ATAD2B: variants seen among roughly 807,000 people sequenced by gnomAD.
ATAD2B encodes the protein ATPase family AAA domain containing 2B.
In ATAD2B, 40 loss-of-function variants were observed where a neutral mutation model predicts 167.6. That is an observed-to-expected ratio of 0.24 (90% confidence interval 0.19 to 0.31). ATAD2B has a LOEUF of 0.31. Among genes scored for constraint, ATAD2B ranks in the 10% least tolerant of loss-of-function variants. The probability of loss-of-function intolerance (pLI) is 1.00; values close to 1 mark genes in which losing one functional copy is unlikely to be tolerated. For missense variants in ATAD2B, 1,242 were observed against 1,757.2 expected (o/e 0.71, Z 5.24); for synonymous variants, 579 against 596.5 (o/e 0.97, Z 0.43).
In ATAD2B at chr2:23,757,941, C is replaced by T. The variant is rs753350309; in HGVS notation, c.3555G>A (p.Glu1185=). Residue 1185 remains glutamate, a synonymous_variant, in exon 25 of 28, where the codon GAG becomes GAA. Transcript: ENST00000238789. Reference sequence around the variant, plus strand: ...TTTCCTCATGGCAGTCAGTGCTTACCTCAAACTCTCCATTCTCTAATAATT... The same window carrying T: ...TTTCCTCATGGCAGTCAGTGCTTACTTCAAACTCTCCATTCTCTAATAATT... ...DRKLLENGEF[E]VSTDCHEENG... is the part of the protein sequence containing the mutation. 6.8e-6 allele frequency: 11 copies of T among 1,613,376 alleles called. No individual in the cohort carries two copies. The highest frequency in any genetic ancestry group is 1.3e-5 in the African/African-American group (1 of 74,872).
rs1411232583 is a variant in ATAD2B at position 23,849,744 on chromosome 2, C to T, written c.1568+7671G>A. Among the ~76,000 whole-genome samples, 6 of 152,158 alleles carry T rather than the reference C, an allele frequency of 3.9e-5. No individual in the cohort carries two copies. The East Asian group carries it at 7.7e-4, about 20-fold the overall frequency. On this transcript the variant is annotated intron_variant, in intron 13 of 27. Transcript: ENST00000238789. ...TCAGGAGGCTGAGGCAGAAGAATCA[C>T]TTGAACCTTGGAGGCGGAGGTTGCA...
chr2:23,810,569 G>A, intron 17 of ATAD2B, 67 bp from the exon 18 acceptor site: 1 of 1,349,194 alleles, frequency 7.4e-7, no homozygotes, highest in Non-Finnish European at 1.0e-6. Flanking sequence ...GAAATATCAG[G>A]CAAAATTTTT....
intron 1 of ATAD2B, among the ~76,000 whole-genome samples, chr2:23,911,888 T>C (rs1045046278): frequency 2.0e-5 from 3 of 151,472 alleles, no homozygotes; most frequent in East Asian, 1.9e-4. Flanking sequence ...GGCAGGAGAA[T>C]TGCTCGAACC....
At chr2:23,696,047 A>G in the ATAD2B span, 1 of 1,551,686 alleles carries the variant, frequency 6.4e-7, no homozygotes, top group Non-Finnish European at 8.7e-7. This position sits in a 1 kb window ranked among gnomAD's most constrained non-coding sequence, Gnocchi z 5.5. Context: ...CCGCAGAACA[A>G]CAAGTGGTAC....
intron 19 of ATAD2B, among the ~76,000 whole-genome samples, chr2:23,790,050 G>A (rs767362361): frequency 2.0e-5 from 3 of 152,134 alleles, no homozygotes; most frequent in Middle Eastern, 3.2e-3. Context: ...TCGTTCCAGT[G>A]CTTTTGTAGA....
the ATAD2B span, among the ~76,000 whole-genome samples, chr2:23,694,570 C>T: frequency 2.1e-4 from 32 of 152,356 alleles, no homozygotes; most frequent in Middle Eastern, 0.01. Context: ...CCTTGTTGAG[C>T]ATGAGCATGA....
chr2:23,754,661 G>A lies in ATAD2B; in HGVS notation c.4192C>T (p.Arg1398Cys), dbSNP rs767001795. The change falls in exon 26 of 28, where the codon CGT becomes TGT. Residue 1398 changes from arginine to cysteine, a missense_variant. Transcript: ENST00000238789. ...GCTAAGCTTACCTTCAATCTCTCAC[G>A]ATCAACTATAAGAGGAGGCACAGGC... ...SEPVPPLIVD[R>C]ERLKKLLDLL... 13 of 1,611,820 alleles carry A rather than the reference G, an allele frequency of 8.1e-6. No homozygotes were observed. The highest frequency in any genetic ancestry group is 1.3e-5 in the African/African-American group (1 of 74,772).
At chr2:23,679,180 A>T in the ATAD2B span, among the ~76,000 whole-genome samples, 1 of 152,240 alleles carries the variant, frequency 6.6e-6, no homozygotes, top group Non-Finnish European at 1.5e-5. Context: ...TTGCTGCTTA[A>T]CAAACAATTC....
At chr2:23,856,317 T>C (rs575314274) in intron 13 of ATAD2B, 1 of 187,308 alleles carries the variant, frequency 5.3e-6, no homozygotes. Flanking sequence ...TGAAAAAGCT[T>C]TGATGAGCAT....
chr2:23,696,472 C>T, the ATAD2B span: 27 of 1,546,674 alleles, frequency 1.7e-5, no homozygotes, highest in African/African-American at 9.6e-5. This position sits in a 1 kb window ranked among gnomAD's most constrained non-coding sequence, Gnocchi z 5.5. Flanking sequence ...TTTACACCCT[C>T]GGGGGACTTG....
At chr2:23,740,438 C>T in the ATAD2B span, among the ~76,000 whole-genome samples, 1 of 150,416 alleles carries the variant, frequency 6.6e-6, no homozygotes, top group Admixed American at 7.0e-5. Context: ...TAAACAGAAC[C>T]AAAGACAAAA....
chr2:23,896,956 A>C (rs2150371056), intron 1 of ATAD2B, among the ~76,000 whole-genome samples: 1 of 152,188 alleles, frequency 6.6e-6, no homozygotes, highest in Non-Finnish European at 1.5e-5. Flanking sequence ...TGGTGAACCC[A>C]TTTCCACTAA....
At chr2:23,703,280 G>A in the ATAD2B span, 3,156 of 1,549,276 alleles carry the variant, frequency 2.0e-3, 6 homozygotes, top group Non-Finnish European at 2.5e-3. Context: ...CAAGATCTAC[G>A]TGTTTGGTGG....
At chr2:23,717,086 A>C in the ATAD2B span, among the ~76,000 whole-genome samples, 1 of 152,238 alleles carries the variant, frequency 6.6e-6, no homozygotes, top group Non-Finnish European at 1.5e-5. Context: ...AAAAACCTAA[A>C]GACCACTGGA....
chr2:23,863,272 GCACT>G, intron 12 of ATAD2B, 105 bp downstream of exon 12: 1 of 1,050,764 alleles, frequency 9.5e-7, no homozygotes, highest in Non-Finnish European at 1.4e-6. Context: ...TCACGCTATT[GCACT>G]CACTCCAGCC....
the ATAD2B span, among the ~76,000 whole-genome samples, chr2:23,704,584 T>A: frequency 6.6e-6 from 1 of 152,134 alleles, no homozygotes; most frequent in Non-Finnish European, 1.5e-5. Flanking sequence ...TTGGCCAACA[T>A]GGTAAAACCC....
the ATAD2B span, chr2:23,695,599 G>C: frequency 3.3e-6 from 5 of 1,511,428 alleles, no homozygotes; most frequent in Non-Finnish European, 4.4e-6. This position sits in a 1 kb window ranked among gnomAD's most constrained non-coding sequence, Gnocchi z 7.6. Flanking sequence ...AGTCTAAGAA[G>C]ATTCTGTCTC....
At chr2:23,707,903 A>T in the ATAD2B span, 2 of 152,314 alleles carry the variant, frequency 1.3e-5, no homozygotes, top group Non-Finnish European at 2.9e-5. Context: ...GAGGGAGGTC[A>T]CACCATGGCT....
At chr2:23,740,387 C>A in the ATAD2B span, among the ~76,000 whole-genome samples, 1 of 152,016 alleles carries the variant, frequency 6.6e-6, no homozygotes, top group African/African-American at 2.4e-5. Context: ...GGATGCAAGG[C>A]TGGTTCAACA....
Sources: gnomAD v4.1 joint callset for allele counts (sites outside exome capture counted in the v4.1 genomes callset) on GRCh38, gnomAD v4.1.1 for gene constraint, Gnocchi (gnomAD v3.1) non-coding constraint, MANE v1.5 for transcripts, NCBI Gene and HGNC (gene_info 2026-07-23, HGNC 2026-07-21) for gene names.